ENOX2: variants seen among roughly 807,000 people sequenced by gnomAD.
ENOX2 encodes the protein APK1 antigen.
ENOX2 carries 36 observed loss-of-function variants against 45.0 expected under a neutral mutation model. That is an observed-to-expected ratio of 0.80 (90% CI 0.61 to 1.06). ENOX2 has a LOEUF of 1.06. Among genes scored for constraint, ENOX2 ranks in the 50% least tolerant of loss-of-function variants. ENOX2 has a pLI of 0.00. For synonymous variants in ENOX2, 174 were observed against 152.3 expected, an observed-to-expected ratio of 1.14 and a Z score of -1.05; for missense variants, 423 against 462.5, an observed-to-expected ratio of 0.91 and a Z score of 0.78.
chrX:130,678,714 A>G (rs1335529899), intron 6 of ENOX2, among the ~76,000 whole-genome samples: 1 of 110,762 alleles, frequency 9.0e-6, no homozygotes, highest in Non-Finnish European at 1.9e-5. Context: ...ACTGAAAGTA[A>G]CTTATTTATT....
chrX:130,879,223 G>A (rs2078763072), intron 2 of ENOX2, among the ~76,000 whole-genome samples: 1 of 111,934 alleles, frequency 8.9e-6, no homozygotes, highest in Admixed American at 9.5e-5. Context: ...GGGCAAGCGA[G>A]TGGCAATAAG....
intron 4 of ENOX2, among the ~76,000 whole-genome samples, chrX:130,698,678 C>T (rs1362654414): frequency 9.0e-6 from 1 of 111,629 alleles, no homozygotes; most frequent in Non-Finnish European, 1.9e-5. Context: ...CCAGGCCTTC[C>T]TGAGGAGCTT....
intron 3 of ENOX2, among the ~76,000 whole-genome samples, chrX:130,778,998 T>C (rs1370556941): frequency 8.9e-6 from 1 of 112,734 alleles, no homozygotes; most frequent in African/African-American, 3.2e-5. Flanking sequence ...CATCATCCAG[T>C]TGGCCTTGTT....
chrX:130,698,950 T>C (rs987773755), intron 4 of ENOX2, among the ~76,000 whole-genome samples: 2 of 112,009 alleles, frequency 1.8e-5, no homozygotes, highest in Non-Finnish European at 3.8e-5. Flanking sequence ...GATATTTTAA[T>C]TGAGGGGAAA....
At chrX:130,823,771 T>A (rs1402683200) in intron 2 of ENOX2, among the ~76,000 whole-genome samples, 5 of 111,613 alleles carry the variant, frequency 4.5e-5, no homozygotes, top group Non-Finnish European at 9.4e-5. Flanking sequence ...TCTTTCTTCT[T>A]CATTATTTTT....
intron 2 of ENOX2, among the ~76,000 whole-genome samples, chrX:130,883,248 T>C (rs1216097293): frequency 9.0e-6 from 1 of 111,107 alleles, no homozygotes; most frequent in South Asian, 3.8e-4. Context: ...GTAGCTGAGA[T>C]TACAGGAACC....
At chrX:130,731,726 G>A (rs1287137496) in intron 3 of ENOX2, among the ~76,000 whole-genome samples, 1 of 112,031 alleles carries the variant, frequency 8.9e-6, no homozygotes, top group East Asian at 2.8e-4. Flanking sequence ...TAATTAATAT[G>A]ACATTGAGAG....
At chrX:130,803,930 C>T (rs2077259960) in intron 2 of ENOX2, among the ~76,000 whole-genome samples, 1 of 111,464 alleles carries the variant, frequency 9.0e-6, no homozygotes, top group Non-Finnish European at 1.9e-5. Flanking sequence ...TTCACCTTTT[C>T]ACAGAGGATA....
At chrX:130,709,945 G>T (rs921304791) in intron 3 of ENOX2, among the ~76,000 whole-genome samples, 16 of 109,719 alleles carry the variant, frequency 1.5e-4, no homozygotes, top group African/African-American at 5.0e-4. Flanking sequence ...GCCCTGGTGT[G>T]TGATGTTCCC....
At chrX:130,833,011 T>TCACA (rs10568834) in intron 2 of ENOX2, among the ~76,000 whole-genome samples, 2,399 of 82,939 alleles carry the variant, frequency 0.029, 33 homozygotes, top group Non-Finnish European at 0.032. Context: ...TCATGTATAA[T>TCACA]CACACACACA....
At chrX:130,873,101 G>A (rs1348881764) in intron 2 of ENOX2, among the ~76,000 whole-genome samples, 1 of 111,627 alleles carries the variant, frequency 9.0e-6, no homozygotes, top group African/African-American at 3.3e-5. Flanking sequence ...TCATCAGAGT[G>A]AACAAGCAAC....
intron 2 of ENOX2, among the ~76,000 whole-genome samples, chrX:130,874,860 G>A (rs1440595231): frequency 9.2e-6 from 1 of 109,201 alleles, no homozygotes; most frequent in East Asian, 2.9e-4. Context: ...TGCCCCCCCC[G>A]ACACACACAA....
At chrX:130,830,920 C>G (rs1321209675) in intron 2 of ENOX2, among the ~76,000 whole-genome samples, 1 of 111,472 alleles carries the variant, frequency 9.0e-6, no homozygotes, top group African/African-American at 3.3e-5. Context: ...ATAACACAAA[C>G]TGGGTAATTT....
Position 130,703,223 on chromosome X carries a change from G to A in ENOX2, c.-7C>T. 8.3e-7 allele frequency: 1 copy of A among 1,202,496 alleles called. No individual in the cohort carries two copies. The highest frequency in any genetic ancestry group is 1.8e-5 in the South Asian group (1 of 55,198). ...CAGACATAGGTAGTGTCATTGCAGTGGAATCCACGTTCAGAGTTCTACTGT... is the reference window on the plus strand; with the variant it reads ...CAGACATAGGTAGTGTCATTGCAGTAGAATCCACGTTCAGAGTTCTACTGT... On this transcript the variant is annotated 5_prime_UTR_variant, in exon 4 of 15. Coordinates refer to ENST00000394363, the MANE Select transcript of ENOX2 (RefSeq NM_006375.4).
intron 2 of ENOX2, among the ~76,000 whole-genome samples, chrX:130,889,148 G>C (rs1215215168): frequency 8.9e-6 from 1 of 111,930 alleles, no homozygotes. Context: ...TGAAGTCCTG[G>C]GGTGGCCACA....
intron 9 of ENOX2, among the ~76,000 whole-genome samples, chrX:130,658,090 T>TA (rs1171669929): frequency 9.0e-6 from 1 of 111,717 alleles, no homozygotes; most frequent in Admixed American, 9.4e-5. Flanking sequence ...AAGCATTCTT[T>TA]AAAAAAAATC....
At chrX:130,722,075 G>C (rs2038493120) in intron 3 of ENOX2, among the ~76,000 whole-genome samples, 1 of 111,644 alleles carries the variant, frequency 9.0e-6, no homozygotes, top group Non-Finnish European at 1.9e-5. Context: ...AACTTGAACT[G>C]ATAAGTATAT....
At chrX:130,758,665 A>G (rs1469132173) in intron 3 of ENOX2, among the ~76,000 whole-genome samples, 1 of 112,177 alleles carries the variant, frequency 8.9e-6, no homozygotes, top group African/African-American at 3.2e-5. Context: ...CCCCATGGCT[A>G]TACCATTTTA....
intron 6 of ENOX2, 77 bp from the exon 7 acceptor site, chrX:130,670,275 A>G: frequency 2.4e-6 from 1 of 419,575 alleles, no homozygotes; most frequent in African/African-American, 2.5e-5. Context: ...AGACAGAGAC[A>G]GAGAGAGAGA....
Sources: allele counts gnomAD v4.1 joint callset (sites outside exome capture counted in the v4.1 genomes callset), GRCh38; gene constraint gnomAD v4.1.1; transcripts MANE v1.5; gene names NCBI Gene and HGNC (gene_info 2026-07-23, HGNC 2026-07-21).